The following APOA2 variants were observed in gnomAD, a reference collection of about 807,000 sequenced individuals.
The protein encoded by APOA2 is apolipoprotein A2, also known as apolipoprotein A-II.
APOA2 carries 3 observed loss-of-function variants against 7.4 expected under a neutral mutation model. That is an observed-to-expected ratio of 0.41 (90% confidence interval 0.18 to 1.05). The LOEUF is 1.05. APOA2 is among the 50% of genes least tolerant of loss of function. The pLI, the probability that APOA2 is intolerant of heterozygous loss-of-function variation, is 0.33. For missense variants in APOA2, 90 were observed against 116.3 expected (o/e 0.77, Z 1.04); for synonymous variants, 42 against 47.8 (o/e 0.88, Z 0.50).
chr1:161,223,271 A>G, intron 2 of APOA2, 79 bp downstream of exon 2: 1 of 1,589,532 alleles, frequency 6.3e-7, no homozygotes, highest in Non-Finnish European at 8.6e-7. Context: ...CCAGACCTGG[A>G]TATAAGAGCA....
Position 161,222,356 on chromosome 1 carries a change from T to C in APOA2, c.*49A>G, listed in dbSNP as rs368862336. ...GGACAGGAGCTCTAGGACTGGCCAG[T>C]GGGTGTTCTAGAGGCCAGCTGGGGT... On this transcript the variant is annotated 3_prime_UTR_variant, in exon 4 of 4. Coordinates refer to ENST00000367990, the MANE Select transcript of APOA2 (RefSeq NM_001643.2). The C allele has an allele frequency of 2.3e-5, 32 of 1,401,518 alleles. No individual in the cohort carries two copies. The African/African-American group carries it at 4.3e-4, about 19-fold the overall frequency. 86.8% of individuals were successfully genotyped at this position (1,401,518 alleles called of 1,614,324 possible).
intron 1 of APOA2, 64 bp downstream of exon 1, chr1:161,223,531 C>G (rs756499762): frequency 1.0e-5 from 9 of 883,496 alleles, no homozygotes; most frequent in Non-Finnish European, 1.6e-5. Flanking sequence ...GGCTCTCTCC[C>G]TCTCCACAAC....
rs780068329 is a variant in APOA2, at chr1:161,222,899, C to G, written c.185+19G>C. On this transcript the variant is annotated intron_variant, in intron 3 of 3. Coordinates refer to ENST00000367990, the MANE Select transcript of APOA2 (RefSeq NM_001643.2). The stretch of plus-strand genomic sequence containing the variant: ...CTCCACAGTTCCACAGCCCCTGAAC[C>G]CCTTGCCCTGAGACTTACTTGGCCT... The G allele has an allele frequency of 2.5e-6, 4 of 1,614,204 alleles. No homozygotes were observed. In the African/African-American group the frequency reaches 4.0e-5, roughly 16 times the overall value.
chr1:161,223,345 C>CCCA lies in APOA2; in HGVS notation c.52+2_52+4dup, dbSNP rs1039495264. The CCCA allele has an allele frequency of 6.2e-7, 1 of 1,613,816 alleles. No individual in the cohort carries two copies. The highest frequency in any genetic ancestry group is 1.3e-5 in the African/African-American group (1 of 74,926). Reference sequence around the variant, plus strand: ...CTTTTGGCCCCCTCTCCATATCACACCCACCTTCAAGGCTGCAGATGGTGA... The same window carrying CCCA: ...CTTTTGGCCCCCTCTCCATATCACACCCACCACCTTCAAGGCTGCAGATGGTGA... On this transcript the variant is annotated splice_donor_region_variant and intron_variant, in intron 2 of 3. Transcript: ENST00000367990.
rs1458092235 is a variant in APOA2, at chr1:161,223,063, A to C, written c.53-13T>G. 5 of 341,668 alleles carry C rather than the reference A, an allele frequency of 1.5e-5. No homozygotes were observed. Among genetic ancestry groups the C allele is most frequent in the Non-Finnish European group, 2.1e-5 (5 of 238,130 alleles). 21.2% of individuals were successfully genotyped at this position (341,668 alleles called of 1,614,324 possible). A position where few individuals can be genotyped will look rare whatever the true frequency, so the allele number is the denominator to read the frequency against. ...CGAACCAAAGCTCCTGCCCACACAC[A>C]CACACACACACACACACACACACAC... On this transcript the variant is annotated splice_polypyrimidine_tract_variant and intron_variant, in intron 2 of 3. Coordinates refer to ENST00000367990, the MANE Select transcript of APOA2 (RefSeq NM_001643.2).
At position 161,222,395 on chromosome 1, in the gene APOA2, T is replaced by G. The variant is rs1483540728; in HGVS notation, c.*10A>C. On this transcript the variant is annotated 3_prime_UTR_variant, in exon 4 of 4. Coordinates refer to ENST00000367990, the MANE Select transcript of APOA2 (RefSeq NM_001643.2). The stretch of plus-strand genomic sequence containing the variant: ...GCCAGCTGGGGTTGGAAGACAATGG[T>G]CTGGACACTTCACTGGGTGGCAGGC... 9 of 1,611,716 alleles carry G rather than the reference T, an allele frequency of 5.6e-6. No individual in the cohort carries two copies. Among genetic ancestry groups the G allele is most frequent in the Non-Finnish European group, 7.6e-6 (9 of 1,177,928 alleles).
In APOA2 at chr1:161,223,165, C is replaced by G. The variant is rs1246822288; in HGVS notation, c.53-115G>C. On this transcript the variant is annotated intron_variant, in intron 2 of 3. Transcript: ENST00000367990. The stretch of plus-strand genomic sequence containing the variant: ...ACCTCTGCCAGTACCCACCCCAGCT[C>G]TCTGCCCCCTCCCCAAAAAGGTATC... 3 of 1,574,602 alleles carry G rather than the reference C, an allele frequency of 1.9e-6. No individual in the cohort carries two copies. In the East Asian group the frequency reaches 7.0e-5, roughly 37 times the overall value.
At chr1:161,223,074 CACACACACACA>C in intron 2 of APOA2, 24 bp from the exon 3 acceptor site, 1 of 1,600,866 alleles carries the variant, frequency 6.2e-7, no homozygotes, top group Non-Finnish European at 8.5e-7. Flanking sequence ...CACACACACA[CACACACACACA>C]CACACACACT....
chr1:161,223,084 C>CAT, intron 2 of APOA2, 34 bp from the exon 3 acceptor site: 1 of 1,597,500 alleles, frequency 6.3e-7, no homozygotes, highest in Non-Finnish European at 8.5e-7. Flanking sequence ...CACACACACA[C>CAT]ACACACACAC....
intron 3 of APOA2, 70 bp downstream of exon 3, chr1:161,222,848 G>A: frequency 6.2e-7 from 1 of 1,612,012 alleles, no homozygotes; most frequent in Non-Finnish European, 8.5e-7. Context: ...AGACTTCTGT[G>A]GGACCTCTCA....
rs1194080224 is a variant in APOA2 at position 161,222,603 on chromosome 1, G to A, written c.186-81C>T. On this transcript the variant is annotated intron_variant, in intron 3 of 3. Coordinates refer to ENST00000367990, the MANE Select transcript of APOA2 (RefSeq NM_001643.2). ...GCCTTGGTGGTGGTGGGAGGTCAGA[G>A]CAGACTGACTCAGGTCCCCAAACTC... 16 of 1,283,726 alleles carry A rather than the reference G, an allele frequency of 1.2e-5. No individual in the cohort carries two copies. In the Admixed American group the frequency reaches 2.7e-4, roughly 22 times the overall value. 79.5% of individuals were successfully genotyped at this position (1,283,726 alleles called of 1,614,324 possible). A position where few individuals can be genotyped will look rare whatever the true frequency, so the allele number is the denominator to read the frequency against.
chr1:161,222,962 G>A lies in APOA2; in HGVS notation c.141C>T (p.Asp47=). The change falls in exon 3 of 4, where the codon GAC becomes GAT. Residue 47 remains aspartate (D), a synonymous_variant. Transcript: ENST00000367990. The stretch of plus-strand genomic sequence containing the variant: ...CTGGGCTCTTGACCTTCTCCATCAG[G>A]TCCTTGCCATAGTCAGTCACGGTCT... ...YFQTVTDYGK[D]LMEKVKSPEL... is the part of the protein sequence containing the mutation. 4 of 1,613,914 alleles carry A rather than the reference G, an allele frequency of 2.5e-6. No individual in the cohort carries two copies. The highest frequency in any genetic ancestry group is 3.3e-4 in the Middle Eastern group (2 of 6,062).
rs763424301 is a variant in APOA2 at position 161,222,573 on chromosome 1, CA to C, written c.186-52del. On this transcript the variant is annotated intron_variant, in intron 3 of 3. Coordinates refer to ENST00000367990, the MANE Select transcript of APOA2 (RefSeq NM_001643.2). ...TAATCTGAGGGACCCTAGGCACTGG[CA>C]GGGGCCTTGGTGGTGGTGGGAGGTC... is the stretch of plus-strand genomic sequence containing the variant. 24 of 1,521,344 alleles carry C rather than the reference CA, an allele frequency of 1.6e-5. 1 individual carries two copies. In the Admixed American group the frequency reaches 3.0e-4, roughly 19 times the overall value. The allele number at this position is 1,521,344 out of a possible 1,614,324, so 94.2% of individuals were successfully genotyped here. A position where few individuals can be genotyped will look rare whatever the true frequency, so the allele number is the denominator to read the frequency against.
Position 161,222,797 on chromosome 1 carries a change from C to A in APOA2, c.185+121G>T, listed in dbSNP as rs1333912702. On this transcript the variant is annotated intron_variant, in intron 3 of 3. Transcript: ENST00000367990. The stretch of plus-strand genomic sequence containing the variant: ...TGGGTGATGAAATACTTTTTCTCTG[C>A]AATTTAAGCCTAATCTGCCCTAATC... 3 of 1,435,322 alleles carry A rather than the reference C, an allele frequency of 2.1e-6. No individual in the cohort carries two copies. In the African/African-American group the frequency reaches 4.3e-5, roughly 20 times the overall value. The allele number at this position is 1,435,322 out of a possible 1,614,324, so 88.9% of individuals were successfully genotyped here.
Position 161,223,376 on chromosome 1 carries a change from A to C in APOA2, c.26T>G (p.Leu9Arg), listed in dbSNP as rs775550034. The C allele has an allele frequency of 2.1e-5, 34 of 1,613,884 alleles. No individual in the cohort carries two copies. The highest frequency in any genetic ancestry group is 1.3e-5 in the Non-Finnish European group (15 of 1,179,968). The change falls in exon 2 of 4, where the codon CTA becomes CGA. Residue 9 changes from leucine to arginine, a missense_variant. By Grantham distance (102) the Leu-to-Arg change is moderately radical. Transcript: ENST00000367990. MKLLAATV[L>R]LLTICSLEGA... Reference sequence around the variant, plus strand: ...TTCAAGGCTGCAGATGGTGAGGAGTAGCACAGTTGCTGCGAGCAGCTTCAT... The same window carrying C: ...TTCAAGGCTGCAGATGGTGAGGAGTCGCACAGTTGCTGCGAGCAGCTTCAT...
Position 161,222,500 on chromosome 1 carries a change from C to T in APOA2, c.208G>A (p.Glu70Lys). ...TTCTTGATCAGGGGTGTCAGCTGCT[C>T]CTTTGACTTTTCAAAGTAAGACCTG... is the stretch of plus-strand genomic sequence containing the variant. ...EAKSYFEKSK[E>K]QLTPLIKKAG... The change falls in exon 4 of 4, where the codon GAG (glutamate) becomes AAG (lysine). Residue 70 changes from glutamate to lysine, a missense_variant. Coordinates refer to ENST00000367990, the MANE Select transcript of APOA2 (RefSeq NM_001643.2). 6.2e-6 allele frequency: 10 copies of T among 1,614,122 alleles called. No homozygotes were observed. The highest frequency in any genetic ancestry group is 8.5e-6 in the Non-Finnish European group (10 of 1,180,000).
chr1:161,223,271 A>T (rs1321167635), intron 2 of APOA2, 79 bp downstream of exon 2: 2 of 1,589,532 alleles, frequency 1.3e-6, no homozygotes, highest in Non-Finnish European at 1.7e-6. Flanking sequence ...CCAGACCTGG[A>T]TATAAGAGCA....
chr1:161,222,609 T>G, intron 3 of APOA2, 87 bp from the exon 4 acceptor site: 6 of 1,232,498 alleles, frequency 4.9e-6, no homozygotes, highest in Non-Finnish European at 7.2e-6. Context: ...CAGAGCAGAC[T>G]GACTCAGGTC....
At chr1:161,223,446 GT>G in intron 1 of APOA2, 21 bp from the exon 2 acceptor site, 1 of 1,596,302 alleles carries the variant, frequency 6.3e-7, no homozygotes, top group Non-Finnish European at 8.6e-7. Flanking sequence ...GGTGGTGGGG[GT>G]TTGGGGGACA....
Sources: gnomAD v4.1 joint callset for allele counts on GRCh38, gnomAD v4.1.1 for gene constraint, MANE v1.5 for transcripts, NCBI Gene and HGNC (gene_info 2026-07-23, HGNC 2026-07-21) for gene names.